Variants in EVPL observed in about 807,000 individuals in gnomAD.
EVPL encodes 210 kDa cornified envelope precursor protein.
Under a neutral mutation model 129.7 loss-of-function variants are expected in EVPL, and 94 were observed. The observed-to-expected ratio is 0.72, with a 90% CI of 0.61 to 0.86. The LOEUF (loss-of-function observed/expected upper bound fraction) is 0.86, where lower values mean the gene tolerates loss of function less well. Ranked by LOEUF, EVPL falls within the 40% of genes least tolerant of loss-of-function variation. The pLI, the probability that EVPL is intolerant of heterozygous loss-of-function variation, is 0.00. For missense variants in EVPL, 2,625 were observed against 2,721.1 expected, an observed-to-expected ratio of 0.96 and a Z score of 0.79; for synonymous variants, 1,172 against 1,191.1, an observed-to-expected ratio of 0.98 and a Z score of 0.33.
rs1042636288 is a variant in EVPL at position 76,026,983 on chromosome 17, C to G, written c.98+118G>C. 3 of 603,284 alleles carry G rather than the reference C, an allele frequency of 5.0e-6. No individual in the cohort carries two copies. The African/African-American group carries it at 5.9e-5, about 12-fold the overall frequency. The allele number at this position is 603,284 out of a possible 1,614,324, so 37.4% of individuals were successfully genotyped here. A position where few individuals can be genotyped will look rare whatever the true frequency, so the allele number is the denominator to read the frequency against. On this transcript the variant is annotated intron_variant, in intron 1 of 21. Transcript: ENST00000301607. ...CCCTTTGGCCTCAGGACACCAAATGCCAGCACGGGGCTGGTCCTGGGCTCT... is the reference window on the plus strand; with the variant it reads ...CCCTTTGGCCTCAGGACACCAAATGGCAGCACGGGGCTGGTCCTGGGCTCT...
chr17:76,014,884 A>G, intron 17 of EVPL, 32 bp downstream of exon 17: 1 of 1,557,632 alleles, frequency 6.4e-7, no homozygotes, highest in Non-Finnish European at 8.7e-7. Context: ...GCACCAGCCC[A>G]CACCCTGTGC....
chr17:76,010,091 C>T lies in EVPL; in HGVS notation c.3114G>A (p.Gln1038=), dbSNP rs2066363871. Residue 1038 remains glutamine, a synonymous_variant, in exon 22 of 22, where the codon CAG becomes CAA. Coordinates refer to ENST00000301607, the MANE Select transcript of EVPL (RefSeq NM_001988.4). ...CATCCTCCCCGCGGAGCTGCTGGATCTGGATCCTGAGCTGGGCCGCCTGGC... is the reference window on the plus strand; with the variant it reads ...CATCCTCCCCGCGGAGCTGCTGGATTTGGATCCTGAGCTGGGCCGCCTGGC... ...LDSQAAQLRI[Q]IQQLRGEDAV... 2 of 1,613,972 alleles carry T rather than the reference C, an allele frequency of 1.2e-6. No homozygotes were observed. Among genetic ancestry groups the T allele is most frequent in the African/African-American group, 2.7e-5 (2 of 75,076 alleles).
chr17:76,015,657 G>T, intron 14 of EVPL, 29 bp from the exon 15 acceptor site: 1 of 1,597,348 alleles, frequency 6.3e-7, no homozygotes, highest in Non-Finnish European at 8.5e-7. Flanking sequence ...AGGGATCTCT[G>T]GGCAGGTGGG....
At chr17:76,017,983 C>T (rs986632383) in intron 13 of EVPL, 72 bp from the exon 14 acceptor site, 73 of 1,592,142 alleles carry the variant, frequency 4.6e-5, no homozygotes, top group Non-Finnish European at 6.2e-5. Flanking sequence ...CCACCAGGTG[C>T]CCACAGAGGG....
rs201057026 is a variant in EVPL at position 76,007,381 on chromosome 17, C to A, written c.5824G>T (p.Gly1942Trp). 2 of 1,598,682 alleles carry A rather than the reference C, an allele frequency of 1.3e-6. No individual in the cohort carries two copies. Among genetic ancestry groups the A allele is most frequent in the South Asian group, 2.2e-5 (2 of 90,220 alleles). ...GTCCTCTTGGGGTCGATGAGCCCCC[C>A]GGTCAGGTGCTGCACCTGCAGGTGT... ...LPHLQVQHLTGGLIDPKRTGR... is the reference protein window; with the variant it reads ...LPHLQVQHLTWGLIDPKRTGR... Residue 1942 changes from glycine (G) to tryptophan (W), a missense_variant, in exon 22 of 22, where the codon GGG becomes TGG. Transcript: ENST00000301607. This position sits in a 1 kb window ranked among gnomAD's most constrained non-coding sequence, Gnocchi z 8.8.
chr17:76,012,797 T>C lies in EVPL; in HGVS notation c.2374-708A>G, dbSNP rs1241292384. ...TCTTGCTCTGTCGCCCAGGCTGGAG[T>C]GCAGTGGCGCTATCCGGACTCACTG... is the stretch of plus-strand genomic sequence containing the variant. On this transcript the variant is annotated intron_variant, in intron 18 of 21. Transcript: ENST00000301607. 4.8e-5 allele frequency among the ~76,000 whole-genome samples: 7 copies of C among 146,508 alleles called. 1 individual carries two copies. Among genetic ancestry groups the C allele is most frequent in the South Asian group, 2.1e-4 (1 of 4,708 alleles).
rs769693376 is a variant in EVPL at position 76,010,150 on chromosome 17, C to A, written c.3055G>T (p.Val1019Phe). ...TMQPHLLTKE[V>F]TQVERDPGLD... ...CCGGGGTCCCTCTCCACCTGGGTGACCTCCTTGGTCAGCAGATGAGGCTGC... is the reference window on the plus strand; with the variant it reads ...CCGGGGTCCCTCTCCACCTGGGTGAACTCCTTGGTCAGCAGATGAGGCTGC... The change falls in exon 22 of 22, where the codon GTC becomes TTC. Residue 1019 changes from valine (V) to phenylalanine (F), a missense_variant. Val to Phe is a conservative substitution (Grantham distance 50). This residue lies in a region of EVPL where 1,453 missense variants were observed against 1,511.8 expected (regional missense o/e 0.96). Coordinates refer to ENST00000301607, the MANE Select transcript of EVPL (RefSeq NM_001988.4). 6.2e-7 allele frequency: 1 copy of A among 1,614,120 alleles called. No individual in the cohort carries two copies. Among genetic ancestry groups the A allele is most frequent in the Non-Finnish European group, 8.5e-7 (1 of 1,180,038 alleles).
chr17:76,022,698 A>G lies in EVPL; in HGVS notation c.481-160T>C, dbSNP rs1243430309. On this transcript the variant is annotated intron_variant, in intron 4 of 21. Coordinates refer to ENST00000301607, the MANE Select transcript of EVPL (RefSeq NM_001988.4). The surrounding 1 kb of genome is among the most constrained non-coding windows in gnomAD (Gnocchi z 5.6). ...ATGCCCTGCAGCTCCCCCAGGGGCG[A>G]GGCCATTCTGCAGTGGCCCCTGAGT... Among the ~76,000 whole-genome samples the G allele has an allele frequency of 6.6e-6, 1 of 152,156 alleles. No individual in the cohort carries two copies. Among genetic ancestry groups the G allele is most frequent in the Non-Finnish European group, 1.5e-5 (1 of 68,020 alleles).
intron 14 of EVPL, 22 bp downstream of exon 14, chr17:76,017,717 C>A (rs1330815460): frequency 1.9e-6 from 3 of 1,604,366 alleles, no homozygotes; most frequent in Non-Finnish European, 2.6e-6. Context: ...ATCCCAGCCG[C>A]CCCTTCCCGC....
rs1338381670 is a variant in EVPL, at chr17:76,021,690, G to A, written c.899C>T (p.Ala300Val). 1 of 1,445,188 alleles carries A rather than the reference G, an allele frequency of 6.9e-7. No homozygotes were observed. The highest frequency in any genetic ancestry group is 9.3e-7 in the Non-Finnish European group (1 of 1,075,166). 89.5% of individuals were successfully genotyped at this position (1,445,188 alleles called of 1,614,324 possible). Residue 300 changes from alanine to valine, a missense_variant, in exon 8 of 22, where the codon GCG becomes GTG. Coordinates refer to ENST00000301607, the MANE Select transcript of EVPL (RefSeq NM_001988.4). The stretch of plus-strand genomic sequence containing the variant: ...CCAGCGCACCTGGATGGGCCCCACC[G>A]CGGGGTGCCGCAGCTCCACCATGCG... Reference protein sequence around the residue: ...GERMVELRHPAVGPIQAHQEA... With the variant: ...GERMVELRHPVVGPIQAHQEA...
chr17:76,023,337 G>A lies in EVPL; in HGVS notation c.435C>T (p.Asp145=), dbSNP rs757879048. The change falls in exon 4 of 22, where the codon GAC becomes GAT. Residue 145 remains aspartate (D), a synonymous_variant. Transcript: ENST00000301607. ...GTGCCCAGTCGACCCTGGGTCCCAC[G>A]TCGGGGGGCAGCACCATCTTCTCGT... ...ALYEKMVLPP[D]VGPRVDWARV... 22 of 1,613,784 alleles carry A rather than the reference G, an allele frequency of 1.4e-5. No homozygotes were observed. Among genetic ancestry groups the A allele is most frequent in the East Asian group, 4.5e-5 (2 of 44,876 alleles).
Position 76,008,129 on chromosome 17 carries a change from C to T in EVPL, c.5076G>A (p.Glu1692=), listed in dbSNP as rs1479856683. 3 of 1,614,054 alleles carry T rather than the reference C, an allele frequency of 1.9e-6. No individual in the cohort carries two copies. Among genetic ancestry groups the T allele is most frequent in the Non-Finnish European group, 2.5e-6 (3 of 1,180,042 alleles). The change falls in exon 22 of 22, where the codon GAG becomes GAA. Residue 1692 remains glutamate (E), a synonymous_variant. Transcript: ENST00000301607. This position sits in a 1 kb window ranked among gnomAD's most constrained non-coding sequence, Gnocchi z 7.4. ...CGTATGGGGACATGTCCTTCCCCGT[C>T]TCGGGTTCCAGGATGGAGATCTTGG... ...LSTKISILEP[E]TGKDMSPYEA... is the part of the protein sequence containing the mutation.
chr17:76,026,943 G>C (rs533229137), intron 1 of EVPL, among the ~76,000 whole-genome samples, 158 bp downstream of exon 1: 3 of 152,390 alleles, frequency 2.0e-5, no homozygotes, highest in East Asian at 1.9e-4. Context: ...GGCAGGGAGA[G>C]AGTCCATCCC....
intron 13 of EVPL, 65 bp from the exon 14 acceptor site, chr17:76,017,976 C>A: frequency 1.3e-6 from 2 of 1,596,330 alleles, no homozygotes; most frequent in Non-Finnish European, 1.7e-6. Flanking sequence ...GGTGCCCCCA[C>A]CAGGTGCCCA....
intron 20 of EVPL, 40 bp from the exon 21 acceptor site, chr17:76,011,708 T>G: frequency 1.2e-6 from 2 of 1,611,784 alleles, no homozygotes; most frequent in Non-Finnish European, 1.7e-6. Flanking sequence ...CAGAGTCAGC[T>G]CCTGCCTTGG....
intron 1 of EVPL, among the ~76,000 whole-genome samples, chr17:76,025,288 T>C (rs2598416): frequency 0.7 from 107,009 of 152,142 alleles, 38,176 homozygotes; most frequent in East Asian, 0.97. Flanking sequence ...TTTTATCCCA[T>C]TAGAGGGCTA....
chr17:76,024,673 G>A lies in EVPL; in HGVS notation c.99-553C>T, dbSNP rs532853754. ...AGAGGAGCCTCACACTGTCGGAGCCGGGGAGGTGGGGCAGGCGCAAGAGAC... is the reference window on the plus strand; with the variant it reads ...AGAGGAGCCTCACACTGTCGGAGCCAGGGAGGTGGGGCAGGCGCAAGAGAC... On this transcript the variant is annotated intron_variant, in intron 1 of 21. Coordinates refer to ENST00000301607, the MANE Select transcript of EVPL (RefSeq NM_001988.4). The surrounding 1 kb of genome is among the most constrained non-coding windows in gnomAD (Gnocchi z 4.5). Among the ~76,000 whole-genome samples the A allele has an allele frequency of 1.7e-4, 26 of 152,088 alleles. 1 individual carries two copies. Among genetic ancestry groups the A allele is most frequent in the South Asian group, 1.2e-3 (6 of 4,814 alleles).
rs1325259329 is a variant in EVPL, at chr17:76,014,483, G to A, written c.2316C>T (p.Ser772=). The A allele has an allele frequency of 1.2e-6, 2 of 1,611,856 alleles. No individual in the cohort carries two copies. The highest frequency in any genetic ancestry group is 1.7e-6 in the Non-Finnish European group (2 of 1,179,478). Residue 772 remains serine (S), a synonymous_variant, in exon 18 of 22, where the codon AGC becomes AGT. Transcript: ENST00000301607. ...LSSWLEHLPR[S]QVRPSDGPSQ... is the part of the protein sequence containing the mutation. The stretch of plus-strand genomic sequence containing the variant: ...TGGGGCCGTCGCTGGGCCGCACCTG[G>A]CTGCGGGGCAGGTGCTCCAGCCAGG...
In EVPL at chr17:76,014,988, A is replaced by C. The variant is rs2066406720; in HGVS notation, c.2150T>G (p.Leu717Arg). 2 of 1,596,562 alleles carry C rather than the reference A, an allele frequency of 1.3e-6. No homozygotes were observed. The highest frequency in any genetic ancestry group is 2.2e-5 in the East Asian group (1 of 44,684). ...TCGCACCTGGCGCTGCTGGCGAGGCAGGTCTTGGCAGAACTCCTGGAAGTT... is the reference window on the plus strand; with the variant it reads ...TCGCACCTGGCGCTGCTGGCGAGGCCGGTCTTGGCAGAACTCCTGGAAGTT... ...QNNFQEFCQD[L>R]PRQQRQVRAL... The change falls in exon 17 of 22, where the codon CTG becomes CGG. Residue 717 changes from leucine to arginine, a missense_variant. Transcript: ENST00000301607.
Sources: gnomAD v4.1 joint callset for allele counts (sites outside exome capture counted in the v4.1 genomes callset) on GRCh38, gnomAD v4.1.1 for gene constraint, gnomAD v4.1.1 regional missense constraint, Gnocchi (gnomAD v3.1) non-coding constraint, MANE v1.5 for transcripts, NCBI Gene and HGNC (gene_info 2026-07-23, HGNC 2026-07-21) for gene names.